SLC30A4: variants seen among roughly 807,000 people sequenced by gnomAD.
SLC30A4 encodes probable proton-coupled zinc antiporter SLC30A4.
A neutral mutation model predicts 41.7 loss-of-function variants in SLC30A4; 20 were observed. The observed-to-expected ratio is 0.48, with a 90% CI of 0.34 to 0.70. The LOEUF is 0.70. Ranked by LOEUF, SLC30A4 falls within the 30% of genes least tolerant of loss-of-function variation. SLC30A4 has a pLI of 0.01. For synonymous variants in SLC30A4, 181 were observed against 195.9 expected (o/e 0.92, Z 0.64); for missense variants, 441 against 529.3 (o/e 0.83, Z 1.64).
chr15:45,487,052 AAGAAC>A (rs200591910), intron 6 of SLC30A4, among the ~76,000 whole-genome samples: 1 of 146,816 alleles, frequency 6.8e-6, no homozygotes, highest in South Asian at 2.1e-4. Flanking sequence ...AAGAAAAGAA[AAGAAC>A]ATATAATGAT....
chr15:45,492,202 C>A (rs1891823623), intron 3 of SLC30A4, among the ~76,000 whole-genome samples: 1 of 137,516 alleles, frequency 7.3e-6, no homozygotes, highest in African/African-American at 2.8e-5. Flanking sequence ...GTAGCATTGT[C>A]TGTAGCATCC....
intron 2 of SLC30A4, among the ~76,000 whole-genome samples, chr15:45,514,676 G>A (rs1465427026): frequency 1.3e-5 from 2 of 149,980 alleles, no homozygotes; most frequent in Non-Finnish European, 3.0e-5. Flanking sequence ...CACCACGCCC[G>A]GCTAATTTTT....
chr15:45,489,094 A>ATGTT, intron 4 of SLC30A4, 52 bp from the exon 5 acceptor site: 1 of 1,282,044 alleles, frequency 7.8e-7, no homozygotes, highest in Non-Finnish European at 1.1e-6. Context: ...TGACAAAAAC[A>ATGTT]TTTGTCACTA....
At position 45,480,054 on chromosome 15, in the gene SLC30A4, T is replaced by C. The variant is rs1891581340; in HGVS notation, c.*5109A>G. 1 of 152,212 alleles carries C rather than the reference T, an allele frequency of 6.6e-6. No homozygotes were observed. The highest frequency in any genetic ancestry group is 2.4e-5 in the African/African-American group (1 of 41,456). The allele number at this position is 152,212 out of a possible 1,614,324, so 9.4% of individuals were successfully genotyped here. A position where few individuals can be genotyped will look rare whatever the true frequency, so the allele number is the denominator to read the frequency against. ...TTCCAAATATACAGTATCTTCCAGG[T>C]AGAAAGATGACATACTGGCACATTT... On this transcript the variant is annotated 3_prime_UTR_variant, in exon 8 of 8. Coordinates refer to ENST00000261867, the MANE Select transcript of SLC30A4 (RefSeq NM_013309.6).
intron 2 of SLC30A4, among the ~76,000 whole-genome samples, chr15:45,511,848 A>C (rs1258851037): frequency 6.6e-6 from 1 of 152,236 alleles, no homozygotes; most frequent in Non-Finnish European, 1.5e-5. Context: ...TAAGAACCAC[A>C]AGGCAAATAT....
In SLC30A4 at chr15:45,484,958, A is replaced by G; in HGVS notation, c.*205T>C. The G allele has an allele frequency of 1.8e-6, 1 of 541,730 alleles. No homozygotes were observed. Among genetic ancestry groups the G allele is most frequent in the Non-Finnish European group, 3.2e-6 (1 of 308,800 alleles). 33.6% of individuals were successfully genotyped at this position (541,730 alleles called of 1,614,324 possible). On this transcript the variant is annotated 3_prime_UTR_variant, in exon 8 of 8. Transcript: ENST00000261867. The stretch of plus-strand genomic sequence containing the variant: ...ATTCTGTAAACAGTGTTTGGGAAAC[A>G]TCTTCATCTGAAAATTATGGCAAAG...
At position 45,485,081 on chromosome 15, in the gene SLC30A4, T is replaced by G; in HGVS notation, c.*82A>C. 9.0e-7 allele frequency: 1 copy of G among 1,117,076 alleles called. No homozygotes were observed. The highest frequency in any genetic ancestry group is 1.6e-5 in the African/African-American group (1 of 62,884). 69.2% of individuals were successfully genotyped at this position (1,117,076 alleles called of 1,614,324 possible). A position where few individuals can be genotyped will look rare whatever the true frequency, so the allele number is the denominator to read the frequency against. ...CGGACACAGCTGTCAGGGATTCCATTTTCTCATTTAGGTTTGCATTTATTG... is the reference window on the plus strand; with the variant it reads ...CGGACACAGCTGTCAGGGATTCCATGTTCTCATTTAGGTTTGCATTTATTG... On this transcript the variant is annotated 3_prime_UTR_variant, in exon 8 of 8. Coordinates refer to ENST00000261867, the MANE Select transcript of SLC30A4 (RefSeq NM_013309.6).
At chr15:45,514,792 G>A (rs956328165) in intron 2 of SLC30A4, among the ~76,000 whole-genome samples, 1 of 152,110 alleles carries the variant, frequency 6.6e-6, no homozygotes, top group Non-Finnish European at 1.5e-5. Flanking sequence ...TAGGATTACA[G>A]GCATGAGCCA....
intron 2 of SLC30A4, among the ~76,000 whole-genome samples, chr15:45,514,307 G>C (rs896142286): frequency 2.0e-5 from 3 of 149,334 alleles, no homozygotes; most frequent in Non-Finnish European, 4.4e-5. Flanking sequence ...GTTGTGGTGA[G>C]CTGAGATTGC....
At chr15:45,502,071 A>T (rs1349613559) in intron 3 of SLC30A4, 1 of 150,470 alleles carries the variant, frequency 6.6e-6, no homozygotes. Flanking sequence ...ACAATTGTTT[A>T]TTACATATTA....
chr15:45,516,644 G>A (rs147992425), intron 2 of SLC30A4, among the ~76,000 whole-genome samples: 13 of 152,152 alleles, frequency 8.5e-5, no homozygotes, highest in South Asian at 6.2e-4. Context: ...CGAGGTGGGC[G>A]GATCACTTGA....
In SLC30A4 at chr15:45,486,230, C is replaced by T. The variant is rs563194474; in HGVS notation, c.1135+381G>A. On this transcript the variant is annotated intron_variant, in intron 7 of 7. Coordinates refer to ENST00000261867, the MANE Select transcript of SLC30A4 (RefSeq NM_013309.6). ...TAGAGACGGGGTTTCACCATGTTGG[C>T]CAGGCTGGTCTCAAACTCCTGACCT... Among the ~76,000 whole-genome samples the T allele has an allele frequency of 5.9e-5, 9 of 152,176 alleles. No individual in the cohort carries two copies. The South Asian group carries it at 1.9e-3, about 32-fold the overall frequency.
Position 45,521,973 on chromosome 15 carries a change from C to G in SLC30A4, c.382G>C (p.Glu128Gln). 4.3e-6 allele frequency: 7 copies of G among 1,612,716 alleles called. No homozygotes were observed. Among genetic ancestry groups the G allele is most frequent in the Non-Finnish European group, 5.9e-6 (7 of 1,178,830 alleles). The change falls in exon 2 of 8, where the codon GAA becomes CAA. Residue 128 changes from glutamate to glutamine, a missense_variant. This residue lies in a region of SLC30A4 where 312 missense variants were observed against 341.9 expected (regional missense o/e 0.91). Transcript: ENST00000261867. ...TGGCAACACAACTCACCTACAAGTT[C>G]TCCAATCATGAAAAGCAAGTACAGA... Reference protein sequence around the residue: ...AVLYLLFMIGELVGGYIANSL... With the variant: ...AVLYLLFMIGQLVGGYIANSL...
chr15:45,517,255 C>T (rs918005900), intron 2 of SLC30A4, among the ~76,000 whole-genome samples: 2 of 146,514 alleles, frequency 1.4e-5, no homozygotes, highest in Non-Finnish European at 2.9e-5. Context: ...ATTCCTACGG[C>T]ATTATATACA....
intron 4 of SLC30A4, among the ~76,000 whole-genome samples, chr15:45,490,238 C>T (rs192999772): frequency 1.8e-3 from 272 of 152,108 alleles, no homozygotes; most frequent in African/African-American, 6.2e-3. Flanking sequence ...ACCATAGGCA[C>T]GAGCCACCGT....
Position 45,489,011 on chromosome 15 carries a change from G to A in SLC30A4, c.724C>T (p.Arg242Cys), listed in dbSNP as rs757228754. ...GGCAGGGAGTGGGAATGGGAGTGACGGTGACCAGACTGGTTCAACAGAAAC... is the reference window on the plus strand; with the variant it reads ...GGCAGGGAGTGGGAATGGGAGTGACAGTGACCAGACTGGTTCAACAGAAAC... ...MGFLLNQSGH[R>C]HSHSHSLPSN... Residue 242 changes from arginine (R) to cysteine (C), a missense_variant, in exon 5 of 8, where the codon CGT (arginine) becomes TGT (cysteine). Coordinates refer to ENST00000261867, the MANE Select transcript of SLC30A4 (RefSeq NM_013309.6). 2.7e-5 allele frequency: 43 copies of A among 1,613,706 alleles called. 1 individual carries two copies. Among genetic ancestry groups the A allele is most frequent in the African/African-American group, 4.0e-5 (3 of 74,992 alleles).
rs994092838 is a variant in SLC30A4, at chr15:45,484,886, T to G, written c.*277A>C. 16 of 339,858 alleles carry G rather than the reference T, an allele frequency of 4.7e-5. No individual in the cohort carries two copies. Among genetic ancestry groups the G allele is most frequent in the African/African-American group, 3.0e-4 (14 of 46,996 alleles). 21.1% of individuals were successfully genotyped at this position (339,858 alleles called of 1,614,324 possible). Reference sequence around the variant, plus strand: ...CACGTACTCTGTCAAGTTAATGAAGTATGATCTTGGATTGTCTTCTATGAG... The same window carrying G: ...CACGTACTCTGTCAAGTTAATGAAGGATGATCTTGGATTGTCTTCTATGAG... On this transcript the variant is annotated 3_prime_UTR_variant, in exon 8 of 8. Transcript: ENST00000261867.
At chr15:45,499,197 G>A (rs1016399965) in intron 3 of SLC30A4, among the ~76,000 whole-genome samples, 3 of 149,360 alleles carry the variant, frequency 2.0e-5, no homozygotes, top group East Asian at 2.0e-4. Flanking sequence ...TCAGCCTCTC[G>A]AGTAGCTGGG....
intron 3 of SLC30A4, among the ~76,000 whole-genome samples, chr15:45,506,060 A>G (rs1450939924): frequency 2.0e-5 from 3 of 152,022 alleles, no homozygotes; most frequent in Non-Finnish European, 4.4e-5. Flanking sequence ...TACAAAAGTT[A>G]GCCAGGCATG....
Sources: allele counts gnomAD v4.1 joint callset (sites outside exome capture counted in the v4.1 genomes callset), GRCh38; gene constraint gnomAD v4.1.1; regional missense constraint gnomAD v4.1.1; transcripts MANE v1.5; gene names NCBI Gene and HGNC (gene_info 2026-07-23, HGNC 2026-07-21).